Variants in MACROD2 observed in about 807,000 individuals in gnomAD.
MACROD2 encodes the protein ADP-ribose glycohydrolase MACROD2.
In MACROD2, 36 loss-of-function variants were observed where a neutral mutation model predicts 70.4. That is an observed-to-expected ratio of 0.51 (90% CI 0.39 to 0.68). The LOEUF is 0.68. Ranked by LOEUF, MACROD2 falls within the 30% of genes least tolerant of loss-of-function variation. The probability of loss-of-function intolerance (pLI) is 0.00; values close to 1 mark genes in which losing one functional copy is unlikely to be tolerated. For missense variants in MACROD2, 496 were observed against 538.4 expected (o/e 0.92, Z 0.78); for synonymous variants, 172 against 178.8 (o/e 0.96, Z 0.30).
chr20:14,938,448 A>T (rs2074360277), intron 5 of MACROD2, among the ~76,000 whole-genome samples: 1 of 152,078 alleles, frequency 6.6e-6, no homozygotes, highest in Non-Finnish European at 1.5e-5. Context: ...GATTAGTCAT[A>T]TTGAACATTT....
At chr20:15,024,915 A>T (rs1458020777) in intron 5 of MACROD2, among the ~76,000 whole-genome samples, 1 of 152,166 alleles carries the variant, frequency 6.6e-6, no homozygotes, top group African/African-American at 2.4e-5. Flanking sequence ...CATAAATAGA[A>T]TTTGTAGGGA....
At chr20:15,861,650 C>A (rs575557245) in intron 8 of MACROD2, among the ~76,000 whole-genome samples, 1 of 152,322 alleles carries the variant, frequency 6.6e-6, no homozygotes, top group African/African-American at 2.4e-5. Context: ...GGAGCCAAAT[C>A]TCTGGTCTTC....
chr20:14,786,999 G>C (rs1167001222), intron 5 of MACROD2, among the ~76,000 whole-genome samples: 1 of 152,018 alleles, frequency 6.6e-6, no homozygotes, highest in African/African-American at 2.4e-5. Context: ...GGAGGTCAAG[G>C]TTGCAGGCTT....
chr20:14,463,937 A>G (rs1474016161), intron 3 of MACROD2, among the ~76,000 whole-genome samples: 1 of 151,260 alleles, frequency 6.6e-6, no homozygotes. Flanking sequence ...TTGGTTTGCC[A>G]GTATTTTATT....
intron 5 of MACROD2, among the ~76,000 whole-genome samples, chr20:14,883,653 TGG>T: frequency 6.6e-6 from 1 of 152,112 alleles, no homozygotes; most frequent in East Asian, 1.9e-4. Context: ...CTTTCCTACC[TGG>T]CTGCATCTGT....
At chr20:15,021,172 A>G (rs947757138) in intron 5 of MACROD2, among the ~76,000 whole-genome samples, 3 of 123,142 alleles carry the variant, frequency 2.4e-5, no homozygotes, top group Non-Finnish European at 3.5e-5. Flanking sequence ...GTATGTATAC[A>G]CATACAGGTG....
At chr20:15,838,288 C>A (rs1485069898) in intron 8 of MACROD2, among the ~76,000 whole-genome samples, 1 of 152,106 alleles carries the variant, frequency 6.6e-6, no homozygotes. Context: ...GAAATTATTT[C>A]ACATTACCAG....
intron 8 of MACROD2, among the ~76,000 whole-genome samples, chr20:15,850,923 T>C (rs2064290669): frequency 6.6e-6 from 1 of 152,120 alleles, no homozygotes; most frequent in Non-Finnish European, 1.5e-5. Context: ...AGCCAAATGC[T>C]AAATATGGTC....
chr20:14,199,909 A>G (rs1488477310), intron 3 of MACROD2, among the ~76,000 whole-genome samples: 5 of 152,142 alleles, frequency 3.3e-5, no homozygotes, highest in African/African-American at 1.2e-4. Flanking sequence ...TGAATTTGTG[A>G]TGGTTTACTT....
At chr20:14,464,921 CT>C (rs1015842826) in intron 3 of MACROD2, among the ~76,000 whole-genome samples, 14 of 152,056 alleles carry the variant, frequency 9.2e-5, no homozygotes, top group African/African-American at 3.4e-4. Context: ...AATTTCTATT[CT>C]TTTACATTTG....
At chr20:14,272,355 A>G (rs1473300284) in intron 3 of MACROD2, among the ~76,000 whole-genome samples, 3 of 152,168 alleles carry the variant, frequency 2.0e-5, no homozygotes, top group Non-Finnish European at 4.4e-5. Flanking sequence ...TTCTTAAAGA[A>G]AAGAATTTTC....
chr20:14,139,053 A>G (rs1245749580), intron 3 of MACROD2, among the ~76,000 whole-genome samples: 1 of 152,230 alleles, frequency 6.6e-6, no homozygotes, highest in African/African-American at 2.4e-5. Flanking sequence ...AAAGAAAGGA[A>G]GAAAATACCT....
chr20:15,234,479 G>T (rs985498803), intron 6 of MACROD2, among the ~76,000 whole-genome samples: 2 of 151,994 alleles, frequency 1.3e-5, no homozygotes, highest in South Asian at 2.1e-4. Flanking sequence ...GGAGCCTACA[G>T]ATTTTCTCTG....
chr20:14,739,066 C>A (rs1370448701), intron 5 of MACROD2, among the ~76,000 whole-genome samples: 1 of 151,870 alleles, frequency 6.6e-6, no homozygotes, highest in Non-Finnish European at 1.5e-5. Context: ...TAAGGTATAT[C>A]AAGTGAAATA....
chr20:15,910,742 G>A (rs2065224911), intron 10 of MACROD2, among the ~76,000 whole-genome samples: 1 of 152,114 alleles, frequency 6.6e-6, no homozygotes, highest in Non-Finnish European at 1.5e-5. Flanking sequence ...CCAAGGTGTC[G>A]CCAATGTGAA....
At chr20:15,071,313 A>G (rs2075617688) in intron 5 of MACROD2, among the ~76,000 whole-genome samples, 1 of 152,210 alleles carries the variant, frequency 6.6e-6, no homozygotes, top group African/African-American at 2.4e-5. Context: ...AGCAGATGGC[A>G]TTTTAAGCCA....
chr20:15,917,739 T>G (rs1163679186), intron 10 of MACROD2, among the ~76,000 whole-genome samples: 1 of 152,158 alleles, frequency 6.6e-6, no homozygotes, highest in Non-Finnish European at 1.5e-5. Context: ...AAAATCTACG[T>G]TTTATTTTTA....
At chr20:14,699,064 G>A (rs1244799104) in intron 5 of MACROD2, among the ~76,000 whole-genome samples, 1 of 152,014 alleles carries the variant, frequency 6.6e-6, no homozygotes, top group East Asian at 1.9e-4. Context: ...AAGTAATAGT[G>A]TCCGGATGAA....
chr20:14,466,411 T>G (rs1358749567), intron 3 of MACROD2, among the ~76,000 whole-genome samples: 1 of 152,144 alleles, frequency 6.6e-6, no homozygotes, highest in African/African-American at 2.4e-5. Context: ...TTCTCTGCAT[T>G]GGTTATTCTA....
Sources: allele counts gnomAD v4.1 joint callset (sites outside exome capture counted in the v4.1 genomes callset), GRCh38; gene constraint gnomAD v4.1.1; transcripts MANE v1.5; gene names NCBI Gene and HGNC (gene_info 2026-07-23, HGNC 2026-07-21).